STAU2: variants seen among roughly 807,000 people sequenced by gnomAD.
STAU2 encodes double-stranded RNA-binding protein Staufen homolog 2.
STAU2 carries 20 observed loss-of-function variants against 65.9 expected under a neutral mutation model. The observed-to-expected ratio is 0.30, with a 90% CI of 0.21 to 0.44. The LOEUF is 0.44. Ranked by LOEUF, STAU2 falls within the 20% of genes least tolerant of loss-of-function variation. STAU2 has a pLI of 1.00. For missense variants in STAU2, 558 were observed against 683.9 expected, an observed-to-expected ratio of 0.82 and a Z score of 2.05; for synonymous variants, 232 against 233.9, an observed-to-expected ratio of 0.99 and a Z score of 0.07.
At chr8:73,580,089 T>C (rs923056827) in intron 12 of STAU2, among the ~76,000 whole-genome samples, 18 of 152,200 alleles carry the variant, frequency 1.2e-4, no homozygotes, top group African/African-American at 4.3e-4. Context: ...TTGTACATTA[T>C]GGTTCCAAGC....
chr8:73,594,120 C>T (rs899065253), intron 11 of STAU2, among the ~76,000 whole-genome samples: 3 of 152,008 alleles, frequency 2.0e-5, no homozygotes, highest in Non-Finnish European at 4.4e-5. Context: ...GTTAAAACAA[C>T]ATATATACAA....
rs533349302 is a variant in STAU2 at position 73,660,805 on chromosome 8, T to A, written c.410+12302A>T. Among the ~76,000 whole-genome samples, 61 of 152,324 alleles carry A rather than the reference T, an allele frequency of 4.0e-4. 2 individuals carry two copies. The South Asian group carries it at 0.012, about 31-fold the overall frequency. On this transcript the variant is annotated intron_variant, in intron 6 of 14. Transcript: ENST00000524300. Reference sequence around the variant, plus strand: ...TAACATTATTCCAGGGTCAAGTAAATTTTAACACGGGCCAAAAATATCCAT... The same window carrying A: ...TAACATTATTCCAGGGTCAAGTAAAATTTAACACGGGCCAAAAATATCCAT...
At chr8:73,692,215 C>T (rs908548855) in intron 4 of STAU2, among the ~76,000 whole-genome samples, 5 of 150,924 alleles carry the variant, frequency 3.3e-5, no homozygotes, top group Non-Finnish European at 5.9e-5. Context: ...TTTTTTTCCC[C>T]GGAGATGGAG....
intron 13 of STAU2, among the ~76,000 whole-genome samples, chr8:73,512,719 G>T (rs1822480327): frequency 6.6e-6 from 1 of 152,000 alleles, no homozygotes; most frequent in African/African-American, 2.4e-5. Context: ...TGGAAATAAA[G>T]AACATTTTGC....
chr8:73,433,427 A>G (rs993094008), intron 13 of STAU2, among the ~76,000 whole-genome samples: 5 of 150,072 alleles, frequency 3.3e-5, no homozygotes, highest in Non-Finnish European at 4.4e-5. Context: ...GATGGTCTCG[A>G]TCTCCTGACC....
intron 13 of STAU2, among the ~76,000 whole-genome samples, chr8:73,506,413 AC>A (rs1822067768): frequency 6.6e-6 from 1 of 152,188 alleles, no homozygotes; most frequent in African/African-American, 2.4e-5. Flanking sequence ...AAAGCAAATC[AC>A]ACAACTTTTT....
At chr8:73,664,154 C>T (rs574706040) in intron 6 of STAU2, among the ~76,000 whole-genome samples, 3 of 152,202 alleles carry the variant, frequency 2.0e-5, no homozygotes, top group African/African-American at 7.2e-5. Context: ...CAGGCCCAGG[C>T]AATCCTCCCA....
chr8:73,721,731 C>T (rs1267891071), intron 3 of STAU2, among the ~76,000 whole-genome samples: 3 of 152,154 alleles, frequency 2.0e-5, no homozygotes, highest in Non-Finnish European at 4.4e-5. Flanking sequence ...CTCCAAGTTG[C>T]TTTTGACTAG....
At chr8:73,557,373 G>A (rs1388082856) in intron 12 of STAU2, among the ~76,000 whole-genome samples, 1 of 152,214 alleles carries the variant, frequency 6.6e-6, no homozygotes, top group Non-Finnish European at 1.5e-5. Context: ...TTGAACATCA[G>A]TAACAGTATT....
chr8:73,424,496 C>T (rs1011126679), intron 13 of STAU2, among the ~76,000 whole-genome samples: 2 of 152,042 alleles, frequency 1.3e-5, no homozygotes, highest in South Asian at 2.1e-4. Flanking sequence ...CCACTGCACC[C>T]GGCCCCTCTT....
chr8:73,474,735 C>T (rs1411439916), intron 13 of STAU2, among the ~76,000 whole-genome samples: 2 of 151,910 alleles, frequency 1.3e-5, no homozygotes, highest in Non-Finnish European at 2.9e-5. Flanking sequence ...TTTAATGTTC[C>T]AACAGACAAG....
intron 6 of STAU2, among the ~76,000 whole-genome samples, chr8:73,626,084 C>G (rs2129973859): frequency 6.6e-6 from 1 of 151,902 alleles, no homozygotes; most frequent in South Asian, 2.1e-4. Context: ...TACACACACA[C>G]ACACACACAC....
At chr8:73,611,203 T>C (rs1812431261) in intron 9 of STAU2, among the ~76,000 whole-genome samples, 1 of 152,194 alleles carries the variant, frequency 6.6e-6, no homozygotes, top group Admixed American at 6.5e-5. Context: ...TGACATATTA[T>C]AAGGTATGAA....
At chr8:73,608,630 AAG>A (rs1491292379) in intron 9 of STAU2, among the ~76,000 whole-genome samples, 1 of 151,674 alleles carries the variant, frequency 6.6e-6, no homozygotes, top group African/African-American at 2.4e-5. Flanking sequence ...AAAAAAGAAA[AAG>A]AAAAAAAAGA....
chr8:73,693,193 G>A (rs1819465338), intron 4 of STAU2, among the ~76,000 whole-genome samples: 1 of 152,086 alleles, frequency 6.6e-6, no homozygotes, highest in Non-Finnish European at 1.5e-5. Flanking sequence ...AAAAAAGTGG[G>A]CTGGGTGCGG....
intron 13 of STAU2, chr8:73,527,772 C>T (rs891789520): frequency 8.0e-5 from 123 of 1,536,560 alleles, no homozygotes; most frequent in Non-Finnish European, 9.6e-5. Context: ...AGGTCACACA[C>T]TCTTTGCCAC....
chr8:73,667,985 G>A (rs1278341337), intron 6 of STAU2, among the ~76,000 whole-genome samples: 1 of 152,160 alleles, frequency 6.6e-6, no homozygotes, highest in East Asian at 1.9e-4. Flanking sequence ...GTACCCTGCG[G>A]AGTAGTTTGG....
At position 73,723,555 on chromosome 8, in the gene STAU2, C is replaced by CT. The variant is rs1040558043; in HGVS notation, c.-17-14394dup. Among the ~76,000 whole-genome samples, 55 of 152,224 alleles carry CT rather than the reference C, an allele frequency of 3.6e-4. 1 individual carries two copies. The highest frequency in any genetic ancestry group is 1.2e-3 in the African/African-American group (50 of 41,540). On this transcript the variant is annotated intron_variant, in intron 3 of 14. Transcript: ENST00000524300. ...TTGAGTGTGTCCCACAGCTCACTGA[C>CT]TTTTTTTTCTTCTTTCTCTATGCTT...
intron 6 of STAU2, among the ~76,000 whole-genome samples, chr8:73,620,012 G>A (rs1813110896): frequency 6.6e-6 from 1 of 151,680 alleles, no homozygotes; most frequent in African/African-American, 2.4e-5. Context: ...AATCTTTTTT[G>A]CTTTTTGGTT....
Sources: gnomAD v4.1 joint callset for allele counts (sites outside exome capture counted in the v4.1 genomes callset) on GRCh38, gnomAD v4.1.1 for gene constraint, MANE v1.5 for transcripts, NCBI Gene and HGNC (gene_info 2026-07-23, HGNC 2026-07-21) for gene names.